Variants in MICAL2 observed in about 807,000 individuals in gnomAD.
MICAL2 encodes [F-actin]-monooxygenase MICAL2.
A neutral mutation model predicts 127.3 loss-of-function variants in MICAL2; 77 were observed. The ratio of observed to expected loss-of-function variants is 0.60; its 90% CI spans 0.50 to 0.73. The LOEUF is 0.73. Among genes scored for constraint, MICAL2 ranks in the 30% least tolerant of loss-of-function variants. MICAL2 has a pLI of 0.00. For missense variants in MICAL2, 1,351 were observed against 1,434.4 expected, an observed-to-expected ratio of 0.94 and a Z score of 0.94; for synonymous variants, 570 against 551.1, an observed-to-expected ratio of 1.03 and a Z score of -0.48.
downstream of MICAL2, chr11:12,293,644 C>T: frequency 6.2e-7 from 1 of 1,614,054 alleles, no homozygotes; most frequent in South Asian, 1.1e-5. Context: ...GAGCCGTAGC[C>T]CAAGGAGCAC....
chr11:12,168,920 C>T (rs1855881552), intron 3 of MICAL2, among the ~76,000 whole-genome samples: 1 of 137,358 alleles, frequency 7.3e-6, no homozygotes, highest in African/African-American at 2.9e-5. Flanking sequence ...GTACTCTAGC[C>T]TGGGCAACAG....
At chr11:12,311,472 CA>C (rs1415542929) in intron 29 of MICAL2, among the ~76,000 whole-genome samples, 3 of 151,984 alleles carry the variant, frequency 2.0e-5, no homozygotes, top group Non-Finnish European at 4.4e-5. Flanking sequence ...AGTGCAGTGG[CA>C]CGATCTTGAC....
downstream of MICAL2, among the ~76,000 whole-genome samples, chr11:12,290,913 T>G (rs1863889853): frequency 6.6e-6 from 1 of 152,126 alleles, no homozygotes; most frequent in South Asian, 2.1e-4. Context: ...GGACTTGGGT[T>G]TGGCCTGGCC....
intron 32 of MICAL2, among the ~76,000 whole-genome samples, chr11:12,345,043 C>T (rs1289079460): frequency 2.7e-5 from 4 of 150,328 alleles, no homozygotes; most frequent in Admixed American, 6.6e-5. Flanking sequence ...ACCCGGGAGG[C>T]GGAGCTTGCA....
intron 3 of MICAL2, among the ~76,000 whole-genome samples, chr11:12,176,666 C>T (rs1856876483): frequency 6.6e-6 from 1 of 152,192 alleles, no homozygotes; most frequent in African/African-American, 2.4e-5. Flanking sequence ...TTGGCAACCA[C>T]CATTCTTTCT....
chr11:12,151,425 C>T (rs1424307310), intron 2 of MICAL2, among the ~76,000 whole-genome samples: 1 of 152,196 alleles, frequency 6.6e-6, no homozygotes, highest in African/African-American at 2.4e-5. Flanking sequence ...GGAATGCCTT[C>T]TGATCCAGGC....
chr11:12,196,278 C>G (rs1590293272), intron 3 of MICAL2: 1 of 152,862 alleles, frequency 6.5e-6, no homozygotes, highest in South Asian at 2.1e-4. Flanking sequence ...TTACCAAGAC[C>G]ATGTTGATGG....
At position 12,224,834 on chromosome 11, in the gene MICAL2, C is replaced by T. The variant is rs780766128; in HGVS notation, c.1688+14C>T. On this transcript the variant is annotated intron_variant, in intron 13 of 27. Transcript: ENST00000683283. ...GCCTGAGCTCATGTGAGTCTGGGGC[C>T]CAGGCTGGCCCCTGGAGACGAGGGA... is the stretch of plus-strand genomic sequence containing the variant. The T allele has an allele frequency of 3.8e-6, 6 of 1,598,744 alleles. No homozygotes were observed. The East Asian group carries it at 9.0e-5, about 24-fold the overall frequency.
At chr11:12,225,045 G>T (rs988445958) in intron 13 of MICAL2, among the ~76,000 whole-genome samples, 4 of 151,954 alleles carry the variant, frequency 2.6e-5, no homozygotes, top group Admixed American at 6.6e-5. Context: ...CTTAGTGATG[G>T]CACTCTTGAC....
intron 15 of MICAL2, 138 bp downstream of exon 15, chr11:12,227,269 T>C (rs1857604028): frequency 1.6e-6 from 1 of 635,090 alleles, no homozygotes; most frequent in African/African-American, 1.9e-5. Context: ...CTAGTAAAAC[T>C]CGGATTAGTG....
intron 2 of MICAL2, among the ~76,000 whole-genome samples, chr11:12,153,864 G>C (rs1456319331): frequency 6.6e-6 from 1 of 152,238 alleles, no homozygotes; most frequent in Non-Finnish European, 1.5e-5. Context: ...GTGGGATCAA[G>C]ATGATTCAGG....
chr11:12,112,600 A>G (rs1849693978), intron 1 of MICAL2, among the ~76,000 whole-genome samples: 2 of 151,830 alleles, frequency 1.3e-5, no homozygotes, highest in African/African-American at 4.8e-5. Flanking sequence ...GGGTAATTGA[A>G]ATCCAGTTTG....
chr11:12,261,104 ACT>A (rs1273288189), intron 26 of MICAL2: 9 of 985,306 alleles, frequency 9.1e-6, no homozygotes, highest in Non-Finnish European at 1.1e-5. Context: ...GGAGTGGAAG[ACT>A]CTGTCCACTT....
chr11:12,152,294 T>G (rs1853670646), intron 2 of MICAL2, among the ~76,000 whole-genome samples: 1 of 49,598 alleles, frequency 2.0e-5, no homozygotes, highest in East Asian at 5.2e-4. Flanking sequence ...CAAGACTCTG[T>G]CTCAAAAAAA....
intron 1 of MICAL2, among the ~76,000 whole-genome samples, chr11:12,115,517 C>T (rs1057036838): frequency 1.5e-4 from 23 of 151,962 alleles, no homozygotes; most frequent in Non-Finnish European, 2.5e-4. Context: ...CAAAGTCTTG[C>T]TATGTTGCCC....
At chr11:12,148,833 T>A (rs76033043) in intron 2 of MICAL2, among the ~76,000 whole-genome samples, 3 of 129,264 alleles carry the variant, frequency 2.3e-5, no homozygotes, top group African/African-American at 6.3e-5. Context: ...GGAGGGCAAA[T>A]TATGCTTCAA....
rs556228024 is a variant in MICAL2, at chr11:12,182,026, G to T, written c.264+19607G>T. On this transcript the variant is annotated intron_variant, in intron 3 of 27. Coordinates refer to ENST00000683283, the MANE Select transcript of MICAL2 (RefSeq NM_001282663.2). ...AATATTTTCATTCCTTCTTGCAGTG[G>T]TTGCAGATATCTCAAGCTAGGATTT... 5.3e-4 allele frequency among the ~76,000 whole-genome samples: 80 copies of T among 152,246 alleles called. No homozygotes were observed. The South Asian group carries it at 0.014, about 26-fold the overall frequency.
rs1232284274 is a variant in MICAL2, at chr11:12,131,336, A to G, written c.-148-7054A>G. ...AAAAAAAAAAAAAAGATCCCAGTAG[A>G]ATTGCCCCAAGGTAATGGCTCAGGC... On this transcript the variant is annotated intron_variant, in intron 1 of 27. Coordinates refer to ENST00000683283, the MANE Select transcript of MICAL2 (RefSeq NM_001282663.2). Among the ~76,000 whole-genome samples the G allele has an allele frequency of 1.3e-5, 2 of 151,244 alleles. 1 individual carries two copies. The highest frequency in any genetic ancestry group is 2.9e-5 in the Non-Finnish European group (2 of 67,878).
intron 2 of MICAL2, among the ~76,000 whole-genome samples, chr11:12,146,124 C>G (rs1386040366): frequency 6.6e-6 from 1 of 152,070 alleles, no homozygotes; most frequent in South Asian, 2.1e-4. Context: ...AGAAGAAAAC[C>G]TAGGCAATAC....
Sources: allele counts gnomAD v4.1 joint callset (sites outside exome capture counted in the v4.1 genomes callset), GRCh38; gene constraint gnomAD v4.1.1; transcripts MANE v1.5; gene names NCBI Gene and HGNC (gene_info 2026-07-23, HGNC 2026-07-21).